Variants in MDFIC2 observed in about 807,000 individuals in gnomAD.
The protein encoded by MDFIC2 is MyoD family inhibitor domain containing 2, also known as myoD family inhibitor domain-containing protein 2.
At chr3:70,271,393 C>A (rs1701974561) in intron 2 of MDFIC2, among the ~76,000 whole-genome samples, 2 of 152,166 alleles carry the variant, frequency 1.3e-5, no homozygotes, top group South Asian at 4.1e-4. Flanking sequence ...CCAATGGTTC[C>A]AGCTCACTGG....
At position 70,197,176 on chromosome 3, in the gene MDFIC2, G is replaced by A. The variant is rs1214538112; in HGVS notation, c.320C>T (p.Ala107Val). 3 of 398,406 alleles carry A rather than the reference G, an allele frequency of 7.5e-6. No homozygotes were observed. The highest frequency in any genetic ancestry group is 4.1e-5 in the African/African-American group (2 of 48,608). 24.7% of individuals were successfully genotyped at this position (398,406 alleles called of 1,614,324 possible). The stretch of plus-strand genomic sequence containing the variant: ...AAACAGACAGGCGAGGATAAGGGAG[G>A]CACACTCCTCTGTTTAAAGAAGAAG... ...VHHRDTDEEC[A>V]SLILACLFCQ... The change falls in exon 4 of 4, where the codon GCC becomes GTC. Residue 107 changes from alanine to valine, a missense_variant. Coordinates refer to ENST00000567252, the MANE Select transcript of MDFIC2 (RefSeq NM_001364677.1).
intron 2 of MDFIC2, among the ~76,000 whole-genome samples, chr3:70,255,627 A>T (rs1265803818): frequency 6.6e-6 from 1 of 150,572 alleles, no homozygotes; most frequent in Admixed American, 6.6e-5. Context: ...AAGCCTGGCT[A>T]TTTTTTTTTC....
At chr3:70,276,371 G>A (rs1305421273) in intron 2 of MDFIC2, among the ~76,000 whole-genome samples, 8 of 152,096 alleles carry the variant, frequency 5.3e-5, no homozygotes, top group Non-Finnish European at 1.2e-4. Flanking sequence ...TTCTGGAAAT[G>A]TATGTTAATT....
chr3:70,237,979 C>CTTTTTTTTTTTTTTTTTTTTTTTTTTT lies in MDFIC2; in HGVS notation c.89-31190_89-31189insAAAAAAAAAAAAAAAAAAAAAAAAAAA, dbSNP rs71672662. Among the ~76,000 whole-genome samples, 8 of 48,942 alleles carry CTTTTTTTTTTTTTTTTTTTTTTTTTTT rather than the reference C, an allele frequency of 1.6e-4. 3 individuals carry two copies. Among genetic ancestry groups the CTTTTTTTTTTTTTTTTTTTTTTTTTTT allele is most frequent in the African/African-American group, 6.4e-4 (6 of 9,426 alleles). The allele number at this position is 48,942 out of a possible 152,430, so 32.1% of individuals were successfully genotyped here. ...GGAAAAGAAACTAATTGAGTGGTAT[C>CTTTTTTTTTTTTTTTTTTTTTTTTTTT]TTTTTTTTTTTTTTTTTTTTTTTTT... On this transcript the variant is annotated intron_variant, in intron 2 of 3. Transcript: ENST00000567252.
intron 2 of MDFIC2, among the ~76,000 whole-genome samples, chr3:70,250,568 G>A (rs1701755462): frequency 1.3e-5 from 2 of 151,992 alleles, no homozygotes; most frequent in African/African-American, 4.8e-5. Context: ...AAACTATTCG[G>A]GTGGAAAAAT....
At chr3:70,288,415 T>C (rs1285970602) in intron 2 of MDFIC2, among the ~76,000 whole-genome samples, 3 of 149,532 alleles carry the variant, frequency 2.0e-5, no homozygotes, top group Non-Finnish European at 3.0e-5. Context: ...TGCACTGTGG[T>C]CTGAGAGATA....
chr3:70,199,573 G>A (rs539789291), intron 3 of MDFIC2, among the ~76,000 whole-genome samples: 10 of 152,092 alleles, frequency 6.6e-5, no homozygotes, highest in South Asian at 4.2e-4. Flanking sequence ...AGATTTTTCC[G>A]ATCTTTCAAG....
At chr3:70,245,782 A>T (rs565097970) in intron 2 of MDFIC2, among the ~76,000 whole-genome samples, 1 of 146,448 alleles carries the variant, frequency 6.8e-6, no homozygotes, top group African/African-American at 2.5e-5. Flanking sequence ...GACATCATGA[A>T]GGTTGACAAT....
At chr3:70,216,472 G>A (rs867784426) in intron 2 of MDFIC2, among the ~76,000 whole-genome samples, 4 of 151,908 alleles carry the variant, frequency 2.6e-5, no homozygotes, top group African/African-American at 7.3e-5. Flanking sequence ...CACAGAAAAC[G>A]CGGGGATATC....
At chr3:70,240,501 T>C (rs1358734000) in intron 2 of MDFIC2, among the ~76,000 whole-genome samples, 1 of 152,154 alleles carries the variant, frequency 6.6e-6, no homozygotes, top group Non-Finnish European at 1.5e-5. Flanking sequence ...AAAATATGTG[T>C]TTCCTAGCCC....
chr3:70,260,572 G>T (rs187111047), intron 2 of MDFIC2, among the ~76,000 whole-genome samples: 1 of 152,062 alleles, frequency 6.6e-6, no homozygotes, highest in Admixed American at 6.6e-5. Flanking sequence ...GGAAGGGAAG[G>T]TCTGCATATT....
chr3:70,250,620 T>C (rs1559544984), intron 2 of MDFIC2, among the ~76,000 whole-genome samples: 1 of 152,190 alleles, frequency 6.6e-6, no homozygotes, highest in Non-Finnish European at 1.5e-5. Flanking sequence ...GTTCAGCGAA[T>C]GTGTGTAATT....
intron 2 of MDFIC2, among the ~76,000 whole-genome samples, chr3:70,293,592 C>CCCA (rs1415243539): frequency 2.6e-5 from 4 of 152,028 alleles, no homozygotes; most frequent in African/African-American, 9.7e-5. Context: ...TTGGGTGCCA[C>CCCA]AGTGATATAA....
chr3:70,290,835 C>G (rs555312090), intron 2 of MDFIC2, among the ~76,000 whole-genome samples: 20 of 152,244 alleles, frequency 1.3e-4, no homozygotes, highest in African/African-American at 4.6e-4. Flanking sequence ...AGGTGCGGTC[C>G]TCACCCCTTT....
chr3:70,303,297 G>A (rs1322321032), intron 2 of MDFIC2, among the ~76,000 whole-genome samples: 1 of 152,076 alleles, frequency 6.6e-6, no homozygotes, highest in Non-Finnish European at 1.5e-5. Flanking sequence ...TAGCATTATG[G>A]TGCTGGCAGT....
intron 2 of MDFIC2, among the ~76,000 whole-genome samples, chr3:70,240,795 G>A (rs1047137030): frequency 6.6e-6 from 1 of 152,038 alleles, no homozygotes; most frequent in Non-Finnish European, 1.5e-5. Context: ...ATACACCGGG[G>A]CACATCACTG....
At chr3:70,289,861 A>T (rs1483214249) in intron 2 of MDFIC2, among the ~76,000 whole-genome samples, 1 of 151,768 alleles carries the variant, frequency 6.6e-6, no homozygotes, top group African/African-American at 2.4e-5. Context: ...TCGGCTCCTG[A>T]GGCTTCTGCA....
chr3:70,301,307 T>C (rs1702346346), intron 2 of MDFIC2, among the ~76,000 whole-genome samples: 1 of 152,136 alleles, frequency 6.6e-6, no homozygotes, highest in South Asian at 2.1e-4. Context: ...GAATTGGGTA[T>C]GTTCATATGG....
chr3:70,205,269 T>C (rs556336004), intron 3 of MDFIC2: 1 of 152,168 alleles, frequency 6.6e-6, no homozygotes, highest in South Asian at 2.1e-4. Context: ...TGTGTCGAGG[T>C]AGTGACATTT....
Sources: allele counts gnomAD v4.1 joint callset (sites outside exome capture counted in the v4.1 genomes callset), GRCh38; gene constraint gnomAD v4.1.1; transcripts MANE v1.5; gene names NCBI Gene and HGNC (gene_info 2026-07-23, HGNC 2026-07-21).